The following PCDHA2 variants were observed in gnomAD, a reference collection of about 807,000 sequenced individuals.
PCDHA2 encodes the protein protocadherin alpha 2.
Under a neutral mutation model 66.0 loss-of-function variants are expected in PCDHA2, and 58 were observed. The ratio of observed to expected loss-of-function variants is 0.88; its 90% CI spans 0.71 to 1.09. The LOEUF (loss-of-function observed/expected upper bound fraction) is 1.09. PCDHA2 is among the 50% of genes least tolerant of loss of function. PCDHA2 has a pLI of 0.00. For synonymous variants in PCDHA2, 634 were observed against 554.0 expected, an observed-to-expected ratio of 1.14 and a Z score of -2.03; for missense variants, 1,267 against 1,242.3, an observed-to-expected ratio of 1.02 and a Z score of -0.30.
chr5:140,857,468 T>C lies in PCDHA2; in HGVS notation c.2388+60116T>C. The C allele has an allele frequency of 1.3e-6, 2 of 1,598,520 alleles. 1 individual carries two copies. Among genetic ancestry groups the C allele is most frequent in the Non-Finnish European group, 1.7e-6 (2 of 1,167,858 alleles). The stretch of plus-strand genomic sequence containing the variant: ...GAACAACCCGCCAGGCTGCCACATC[T>C]TCACGGTGTCTGCGTGGGACGCGGA... On this transcript the variant is annotated intron_variant, in intron 1 of 3. Transcript: ENST00000526136.
At chr5:140,969,293 C>A in intron 1 of PCDHA2, 1 of 1,614,186 alleles carries the variant, frequency 6.2e-7, no homozygotes, top group Non-Finnish European at 8.5e-7. Flanking sequence ...TGCTGGGAAC[C>A]TGATTATTCT....
intron 1 of PCDHA2, among the ~76,000 whole-genome samples, chr5:140,965,939 C>A (rs1554227944): frequency 6.6e-6 from 1 of 152,188 alleles, no homozygotes; most frequent in Admixed American, 6.5e-5. Flanking sequence ...GGAAAGAGGG[C>A]AGCATTTGCC....
intron 1 of PCDHA2, among the ~76,000 whole-genome samples, chr5:140,965,644 G>A (rs201197561): frequency 6.6e-6 from 1 of 152,028 alleles, no homozygotes; most frequent in African/African-American, 2.4e-5. Flanking sequence ...AATTACTCTT[G>A]AAAGAAAATG....
At chr5:141,000,391 CTCTCTATATATA>C (rs1452985170) in intron 3 of PCDHA2, among the ~76,000 whole-genome samples, 26 of 56,648 alleles carry the variant, frequency 4.6e-4, no homozygotes, top group Middle Eastern at 0.011. Flanking sequence ...CTCTCTCTCT[CTCTCTATATATA>C]TATATATATA....
At position 140,796,454 on chromosome 5, in the gene PCDHA2, G is replaced by T; in HGVS notation, c.1490G>T (p.Arg497Leu). The T allele has an allele frequency of 1.2e-6, 2 of 1,612,828 alleles. No homozygotes were observed. The highest frequency in any genetic ancestry group is 8.5e-7 in the Non-Finnish European group (1 of 1,179,856). The change falls in exon 1 of 4, where the codon CGG becomes CTG. Residue 497 changes from arginine to leucine, a missense_variant. Physicochemically the swap from Arg to Leu is moderately radical, Grantham distance 102. Transcript: ENST00000526136. Reference protein sequence around the residue: ...NALVSYSLVERRVGERALSSY... With the variant: ...NALVSYSLVELRVGERALSSY... Reference sequence around the variant, plus strand: ...CTGGTGTCCTACTCGCTGGTGGAGCGGCGGGTGGGCGAGCGCGCGTTGTCG... The same window carrying T: ...CTGGTGTCCTACTCGCTGGTGGAGCTGCGGGTGGGCGAGCGCGCGTTGTCG...
intron 1 of PCDHA2, chr5:140,877,310 C>G (rs371801888): frequency 6.2e-7 from 1 of 1,613,938 alleles, no homozygotes; most frequent in Non-Finnish European, 8.5e-7. Flanking sequence ...GAGTTGCAAC[C>G]GGCGGCGGTC....
At chr5:140,883,272 C>T in intron 1 of PCDHA2, 1 of 1,613,880 alleles carries the variant, frequency 6.2e-7, no homozygotes, top group Non-Finnish European at 8.5e-7. Context: ...GGTCATTGTA[C>T]CCTTTTGGTG....
chr5:140,830,361 G>C (rs2150185402), intron 1 of PCDHA2: 1 of 1,614,126 alleles, frequency 6.2e-7, no homozygotes, highest in Non-Finnish European at 8.5e-7. Flanking sequence ...AGGCGGCAGA[G>C]GGTGTGCTCC....
rs140143048 is a variant in PCDHA2, at chr5:140,842,939, G to A, written c.2388+45587G>A. Reference sequence around the variant, plus strand: ...GCAGTTCCAGGTGAGCGCGCGCGACGCGGGCGTGCCGCCTCTGGGCAGCAA... The same window carrying A: ...GCAGTTCCAGGTGAGCGCGCGCGACACGGGCGTGCCGCCTCTGGGCAGCAA... On this transcript the variant is annotated intron_variant, in intron 1 of 3. Transcript: ENST00000526136. 5.6e-6 allele frequency: 9 copies of A among 1,594,456 alleles called. No individual in the cohort carries two copies. In the African/African-American group the frequency reaches 1.2e-4, roughly 21 times the overall value.
chr5:141,003,623 G>C (rs572368614), intron 3 of PCDHA2, among the ~76,000 whole-genome samples: 1 of 152,240 alleles, frequency 6.6e-6, no homozygotes, highest in East Asian at 1.9e-4. Flanking sequence ...CCAGAGGGCA[G>C]TTTTTAAAGT....
chr5:140,836,619 G>A (rs1272044084), intron 1 of PCDHA2: 3 of 1,613,602 alleles, frequency 1.9e-6, no homozygotes, highest in Non-Finnish European at 2.5e-6. Context: ...CAGCGCGGTG[G>A]GGAGCTGGTC....
chr5:140,828,034 A>T, intron 1 of PCDHA2: 1 of 1,527,332 alleles, frequency 6.5e-7, no homozygotes, highest in Middle Eastern at 1.8e-4. Flanking sequence ...CGGAACATAC[A>T]GTATTTTATC....
intron 1 of PCDHA2, chr5:140,883,984 C>T: frequency 2.5e-6 from 4 of 1,612,818 alleles, no homozygotes. Context: ...GGGCTGGCAG[C>T]GCGGGAGGCA....
chr5:140,862,415 G>T (rs1382532896), intron 1 of PCDHA2: 12 of 348,784 alleles, frequency 3.4e-5, no homozygotes, highest in Admixed American at 1.9e-4. Context: ...TTCAAAAGGC[G>T]CTGCCCAGAA....
chr5:140,951,145 T>G (rs2094553191), intron 1 of PCDHA2, among the ~76,000 whole-genome samples: 1 of 100,698 alleles, frequency 9.9e-6, no homozygotes, highest in South Asian at 2.6e-4. Flanking sequence ...TTTATCTTAT[T>G]GAATATAGTT....
In PCDHA2 at chr5:140,808,721, G is replaced by A. The variant is rs1348144933; in HGVS notation, c.2388+11369G>A. 6.8e-6 allele frequency: 11 copies of A among 1,612,098 alleles called. No individual in the cohort carries two copies. In the African/African-American group the frequency reaches 1.3e-4, roughly 20 times the overall value. ...GCTGTCGAGCTACGTTTCGGTGCAT[G>A]CGGAGAGCGGCAAGGTGTACGCGCT... On this transcript the variant is annotated intron_variant, in intron 1 of 3. Transcript: ENST00000526136.
chr5:140,968,201 C>T, intron 1 of PCDHA2: 1 of 1,614,032 alleles, frequency 6.2e-7, no homozygotes, highest in Non-Finnish European at 8.5e-7. Context: ...CATCTACATA[C>T]AGGAGAACAA....
rs2150354171 is a variant in PCDHA2, at chr5:140,843,161, G to C, written c.2388+45809G>C. 3.6e-5 allele frequency: 58 copies of C among 1,595,996 alleles called. 4 individuals are homozygous for C. In the South Asian group the frequency reaches 6.1e-4, roughly 17 times the overall value. ...GTGGCTTTCGTATGAGCTGCAGCCA[G>C]CTGCAAGCAGCCCTCGCATCCCGTT... On this transcript the variant is annotated intron_variant, in intron 1 of 3. Coordinates refer to ENST00000526136, the MANE Select transcript of PCDHA2 (RefSeq NM_018905.3).
At chr5:140,871,482 T>C (rs535779359) in intron 1 of PCDHA2, 1 of 1,595,438 alleles carries the variant, frequency 6.3e-7, no homozygotes. Flanking sequence ...CAGGGTCAAA[T>C]CACCCCGGAC....
Sources: gnomAD v4.1 joint callset for allele counts (sites outside exome capture counted in the v4.1 genomes callset) on GRCh38, gnomAD v4.1.1 for gene constraint, MANE v1.5 for transcripts, NCBI Gene and HGNC (gene_info 2026-07-23, HGNC 2026-07-21) for gene names.